FBXO31: variants seen among roughly 807,000 people sequenced by gnomAD.
FBXO31 encodes the protein F-box only protein 31.
FBXO31 carries 24 observed loss-of-function variants against 54.4 expected under a neutral mutation model. The observed-to-expected ratio is 0.44, with a 90% CI of 0.32 to 0.62. The LOEUF (loss-of-function observed/expected upper bound fraction) is 0.62. Among genes scored for constraint, FBXO31 ranks in the 20% least tolerant of loss-of-function variants. The pLI, the probability that FBXO31 is intolerant of heterozygous loss-of-function variation, is 0.05. For missense variants in FBXO31, 665 were observed against 787.1 expected, an observed-to-expected ratio of 0.84 and a Z score of 1.86; for synonymous variants, 388 against 335.6, an observed-to-expected ratio of 1.16 and a Z score of -1.71.
In FBXO31 at chr16:87,365,010, AATATATATAT is replaced by A. The variant is rs55746745; in HGVS notation, c.341-4654_341-4645del. Among the ~76,000 whole-genome samples the A allele has an allele frequency of 2.4e-3, 114 of 47,668 alleles. 19 individuals are homozygous for A. Among genetic ancestry groups the A allele is most frequent in the East Asian group, 8.7e-3 (10 of 1,144 alleles). 31.3% of individuals were successfully genotyped at this position (47,668 alleles called of 152,430 possible). A position where few individuals can be genotyped will look rare whatever the true frequency, so the allele number is the denominator to read the frequency against. ...TGACAGAGCGAGACCCCGTCTCTTA[AATATATATAT>A]ATATATATATATATATATATCAGGC... is the stretch of plus-strand genomic sequence containing the variant. On this transcript the variant is annotated intron_variant, in intron 1 of 8. Transcript: ENST00000311635.
At chr16:87,375,004 G>A (rs920149695) in intron 1 of FBXO31, among the ~76,000 whole-genome samples, 5 of 152,138 alleles carry the variant, frequency 3.3e-5, no homozygotes, top group African/African-American at 4.8e-5. Context: ...CCAACATAGT[G>A]AAACCCTGGC....
At position 87,330,826 on chromosome 16, in the gene FBXO31, C is replaced by A; in HGVS notation, c.*462G>T. On this transcript the variant is annotated 3_prime_UTR_variant, in exon 9 of 9. Coordinates refer to ENST00000311635, the MANE Select transcript of FBXO31 (RefSeq NM_024735.5). Reference sequence around the variant, plus strand: ...GAGCTGTTCGCCTCTTCCTGACCCCCTCCCAGAGGCCACTGTTGCCTGGCT... The same window carrying A: ...GAGCTGTTCGCCTCTTCCTGACCCCATCCCAGAGGCCACTGTTGCCTGGCT... The A allele has an allele frequency of 5.6e-6, 1 of 178,596 alleles. No homozygotes were observed. Among genetic ancestry groups the A allele is most frequent in the Non-Finnish European group, 1.2e-5 (1 of 84,094 alleles). The allele number at this position is 178,596 out of a possible 1,614,324, so 11.1% of individuals were successfully genotyped here. A position where few individuals can be genotyped will look rare whatever the true frequency, so the allele number is the denominator to read the frequency against.
rs913359928 is a variant in FBXO31 at position 87,383,695 on chromosome 16, C to G, written c.50G>C (p.Arg17Pro). 18 of 1,269,604 alleles carry G rather than the reference C, an allele frequency of 1.4e-5. No individual in the cohort carries two copies. Among genetic ancestry groups the G allele is most frequent in the African/African-American group, 7.9e-5 (5 of 63,684 alleles). 78.6% of individuals were successfully genotyped at this position (1,269,604 alleles called of 1,614,324 possible). A position where few individuals can be genotyped will look rare whatever the true frequency, so the allele number is the denominator to read the frequency against. The change falls in exon 1 of 9, where the codon CGG (arginine) becomes CCG (proline). Residue 17 changes from arginine to proline, a missense_variant. Arg to Pro is a moderately radical substitution (Grantham distance 103). This residue lies in a region of FBXO31 where 195 missense variants were observed against 174.8 expected (regional missense o/e 1.12). Transcript: ENST00000311635. This position sits in a 1 kb window ranked among gnomAD's most constrained non-coding sequence, Gnocchi z 4.9. ...CGGGCCCCGGCGCTGCTGGCGGCGC[C>G]GACATCCGCGCGACGGGCCCACGCC... ...LCGVGPSRGC[R>P]RRQQRRGPAE...
Position 87,329,599 on chromosome 16 carries a change from C to G in FBXO31, c.*1689G>C, listed in dbSNP as rs74473121. Reference sequence around the variant, plus strand: ...CAAGAGAGAAAAACAGTGACCACCACAGAGGGCAGGGAGTGACAAAGCTTG... The same window carrying G: ...CAAGAGAGAAAAACAGTGACCACCAGAGAGGGCAGGGAGTGACAAAGCTTG... On this transcript the variant is annotated 3_prime_UTR_variant, in exon 9 of 9. Coordinates refer to ENST00000311635, the MANE Select transcript of FBXO31 (RefSeq NM_024735.5). 6.6e-6 allele frequency: 1 copy of G among 152,290 alleles called. No individual in the cohort carries two copies. Among genetic ancestry groups the G allele is most frequent in the African/African-American group, 2.4e-5 (1 of 41,470 alleles). The allele number at this position is 152,290 out of a possible 1,614,324, so 9.4% of individuals were successfully genotyped here.
chr16:87,344,361 T>C (rs1905291055), intron 3 of FBXO31, among the ~76,000 whole-genome samples: 1 of 152,228 alleles, frequency 6.6e-6, no homozygotes, highest in Non-Finnish European at 1.5e-5. Flanking sequence ...GAGGAGTGCG[T>C]TGCCCGTGCG....
At chr16:87,339,616 G>T (rs1429664951) in intron 5 of FBXO31, among the ~76,000 whole-genome samples, 1 of 152,220 alleles carries the variant, frequency 6.6e-6, no homozygotes, top group East Asian at 1.9e-4. Context: ...CTCCCGGAGG[G>T]GGAGCTCAGA....
intron 5 of FBXO31, among the ~76,000 whole-genome samples, chr16:87,339,026 C>A (rs955769566): frequency 1.3e-5 from 2 of 152,202 alleles, no homozygotes; most frequent in Non-Finnish European, 2.9e-5. Context: ...ATGTAAGATG[C>A]GCCTTTCGCC....
chr16:87,336,098 G>A lies in FBXO31; in HGVS notation c.842+57C>T. 1 of 1,477,112 alleles carries A rather than the reference G, an allele frequency of 6.8e-7. No individual in the cohort carries two copies. The highest frequency in any genetic ancestry group is 9.4e-7 in the Non-Finnish European group (1 of 1,060,140). 91.5% of individuals were successfully genotyped at this position (1,477,112 alleles called of 1,614,324 possible). On this transcript the variant is annotated intron_variant, in intron 6 of 8. Transcript: ENST00000311635. The surrounding 1 kb of genome is among the most constrained non-coding windows in gnomAD (Gnocchi z 6.5). The stretch of plus-strand genomic sequence containing the variant: ...CCCAGCACCCACCGGGACAGGGCTG[G>A]TCCCCAGCACACACCAGGAGAGGGC...
chr16:87,350,854 G>A (rs1272443703), intron 2 of FBXO31, among the ~76,000 whole-genome samples: 2 of 152,202 alleles, frequency 1.3e-5, no homozygotes, highest in African/African-American at 4.8e-5. Flanking sequence ...GGAGTTCCCT[G>A]TTGTGCTGAA....
In FBXO31 at chr16:87,338,429, C is replaced by T. The variant is rs1905095926; in HGVS notation, c.733-2165G>A. Among the ~76,000 whole-genome samples, 1 of 145,696 alleles carries T rather than the reference C, an allele frequency of 6.9e-6. No individual in the cohort carries two copies. The highest frequency in any genetic ancestry group is 1.5e-5 in the Non-Finnish European group (1 of 66,688). Reference sequence around the variant, plus strand: ...CCCATCCTCCCTTCTCTGCTCCTTTCACAGGTCTGAGATTTCCAAAAGCCT... The same window carrying T: ...CCCATCCTCCCTTCTCTGCTCCTTTTACAGGTCTGAGATTTCCAAAAGCCT... On this transcript the variant is annotated intron_variant, in intron 5 of 8. Transcript: ENST00000311635. The surrounding 1 kb of genome is among the most constrained non-coding windows in gnomAD (Gnocchi z 4.3).
chr16:87,378,945 A>C (rs4843606), intron 1 of FBXO31, among the ~76,000 whole-genome samples: 1 of 146,518 alleles, frequency 6.8e-6, no homozygotes, highest in Non-Finnish European at 1.5e-5. Context: ...CAGGGCGACA[A>C]AGCAAGACTC....
intron 1 of FBXO31, among the ~76,000 whole-genome samples, chr16:87,380,360 T>C (rs1201496243): frequency 6.6e-6 from 1 of 151,986 alleles, no homozygotes; most frequent in East Asian, 1.9e-4. Context: ...TTAAGTCCTT[T>C]ATTGGGGATG....
chr16:87,339,825 G>A (rs1905137546), intron 5 of FBXO31, among the ~76,000 whole-genome samples: 1 of 152,220 alleles, frequency 6.6e-6, no homozygotes, highest in African/African-American at 2.4e-5. Context: ...AAATAGAAGA[G>A]GAATACAGGC....
chr16:87,350,172 C>T (rs574805167), intron 2 of FBXO31, among the ~76,000 whole-genome samples: 15 of 152,014 alleles, frequency 9.9e-5, no homozygotes, highest in Non-Finnish European at 1.5e-4. Flanking sequence ...ACTGGAGTGG[C>T]AAGACCACTC....
At chr16:87,340,261 T>C (rs937574797) in intron 5 of FBXO31, among the ~76,000 whole-genome samples, 2 of 152,186 alleles carry the variant, frequency 1.3e-5, no homozygotes, top group African/African-American at 4.8e-5. Context: ...TACTCCAGTG[T>C]GGGGGACAGG....
chr16:87,383,328 CG>C lies in FBXO31; in HGVS notation c.340+76del. ...GGCCCCCGGCCGGGGCCACCGCCCC[CG>C]CCACTCCCAGCTCCGAGGCCTCCAC... is the stretch of plus-strand genomic sequence containing the variant. On this transcript the variant is annotated intron_variant, in intron 1 of 8. Transcript: ENST00000311635. This position sits in a 1 kb window ranked among gnomAD's most constrained non-coding sequence, Gnocchi z 4.9. 1 of 1,311,730 alleles carries C rather than the reference CG, an allele frequency of 7.6e-7. No individual in the cohort carries two copies. Among genetic ancestry groups the C allele is most frequent in the Non-Finnish European group, 1.0e-6 (1 of 988,432 alleles). The allele number at this position is 1,311,730 out of a possible 1,614,324, so 81.3% of individuals were successfully genotyped here. A position where few individuals can be genotyped will look rare whatever the true frequency, so the allele number is the denominator to read the frequency against.
At chr16:87,390,021 C>G (rs946691114), upstream of FBXO31, 2 of 152,296 alleles carry the variant, frequency 1.3e-5, no homozygotes, top group Non-Finnish European at 2.9e-5. Flanking sequence ...TGGCTCGTGC[C>G]TGTAATCCCA....
chr16:87,334,609 G>A (rs1904983953), intron 7 of FBXO31, among the ~76,000 whole-genome samples: 1 of 152,262 alleles, frequency 6.6e-6, no homozygotes, highest in Non-Finnish European at 1.5e-5. Context: ...CGGGAGCCGA[G>A]CCCTGGGAAG....
At position 87,383,673 on chromosome 16, in the gene FBXO31, G is replaced by A; in HGVS notation, c.72C>T (p.Gly24=). 2.3e-6 allele frequency: 3 copies of A among 1,294,272 alleles called. No homozygotes were observed. The highest frequency in any genetic ancestry group is 3.2e-5 in the East Asian group (1 of 30,918). 80.2% of individuals were successfully genotyped at this position (1,294,272 alleles called of 1,614,324 possible). A position where few individuals can be genotyped will look rare whatever the true frequency, so the allele number is the denominator to read the frequency against. The change falls in exon 1 of 9, where the codon GGC becomes GGT. Residue 24 remains glycine, a synonymous_variant. Coordinates refer to ENST00000311635, the MANE Select transcript of FBXO31 (RefSeq NM_024735.5). The surrounding 1 kb of genome is among the most constrained non-coding windows in gnomAD (Gnocchi z 4.9). ...RGCRRRQQRR[G]PAETAAADSE... is the part of the protein sequence containing the mutation. The stretch of plus-strand genomic sequence containing the variant: ...TGTCGGCCGCCGCCGTCTCGGCCGG[G>A]CCCCGGCGCTGCTGGCGGCGCCGAC...
Sources: gnomAD v4.1 joint callset for allele counts (sites outside exome capture counted in the v4.1 genomes callset) on GRCh38, gnomAD v4.1.1 for gene constraint, gnomAD v4.1.1 regional missense constraint, Gnocchi (gnomAD v3.1) non-coding constraint, MANE v1.5 for transcripts, NCBI Gene and HGNC (gene_info 2026-07-23, HGNC 2026-07-21) for gene names.